BANF2: variants seen among roughly 807,000 people sequenced by gnomAD.
BANF2 encodes barrier-to-autointegration factor-like protein.
A neutral mutation model predicts 8.0 loss-of-function variants in BANF2; 4 were observed. The ratio of observed to expected loss-of-function variants is 0.50; its 90% confidence interval spans 0.25 to 1.14. BANF2 has a LOEUF of 1.14. BANF2 is among the 50% of genes most tolerant of loss of function. The probability of loss-of-function intolerance (pLI) is 0.16; values close to 1 mark genes in which losing one functional copy is unlikely to be tolerated. For missense variants in BANF2, 96 were observed against 107.5 expected (o/e 0.89, Z 0.47); for synonymous variants, 50 against 40.6 (o/e 1.23, Z -0.88).
At chr20:17,725,205 A>G in intron 3 of BANF2, 54 bp downstream of exon 3, 1 of 1,552,414 alleles carries the variant, frequency 6.4e-7, no homozygotes, top group Non-Finnish European at 8.9e-7. Context: ...TTCTTCCCCC[A>G]GTCCTGCCAG....
At chr20:17,735,036 G>A (rs2037956046) in intron 3 of BANF2, among the ~76,000 whole-genome samples, 1 of 152,106 alleles carries the variant, frequency 6.6e-6, no homozygotes, top group South Asian at 2.1e-4. Flanking sequence ...CCGAGATCAC[G>A]CCATTGCACT....
chr20:17,694,681 C>A (rs141472012), intron 1 of BANF2, among the ~76,000 whole-genome samples: 16 of 133,466 alleles, frequency 1.2e-4, no homozygotes, highest in African/African-American at 4.2e-4. Context: ...TGCAGTCATG[C>A]CATCACAGCT....
chr20:17,718,225 G>A (rs2037683168), intron 1 of BANF2, among the ~76,000 whole-genome samples: 1 of 143,210 alleles, frequency 7.0e-6, no homozygotes, highest in African/African-American at 2.6e-5. Context: ...TTTGTTTTGA[G>A]ATGGAGTCTC....
chr20:17,723,160 C>T (rs906588814), intron 2 of BANF2, among the ~76,000 whole-genome samples: 1 of 148,468 alleles, frequency 6.7e-6, no homozygotes, highest in Non-Finnish European at 1.5e-5. Context: ...TAGGTCCCCC[C>T]AGCCCCACCC....
At chr20:17,734,170 A>C (rs1054769752) in intron 3 of BANF2, among the ~76,000 whole-genome samples, 2 of 152,198 alleles carry the variant, frequency 1.3e-5, no homozygotes, top group Non-Finnish European at 2.9e-5. Context: ...GTGTAATAAA[A>C]CTATAAAAGA....
At chr20:17,719,236 C>T (rs918111919) in intron 1 of BANF2, among the ~76,000 whole-genome samples, 8 of 152,066 alleles carry the variant, frequency 5.3e-5, no homozygotes, top group African/African-American at 1.9e-4. Flanking sequence ...GTGAGTCTCC[C>T]GTCTCAGCCT....
chr20:17,728,567 G>A (rs578233802), intron 3 of BANF2, among the ~76,000 whole-genome samples: 6 of 152,208 alleles, frequency 3.9e-5, no homozygotes, highest in African/African-American at 1.4e-4. Context: ...TTTAATGGAG[G>A]ATGTGGGGTG....
At chr20:17,710,807 G>A (rs1025495377) in intron 1 of BANF2, among the ~76,000 whole-genome samples, 7 of 152,276 alleles carry the variant, frequency 4.6e-5, no homozygotes, top group East Asian at 1.9e-4. Context: ...CCGGCCTAAC[G>A]GCGGCTGAGC....
chr20:17,695,445 C>CAA (rs71192401), upstream of BANF2, among the ~76,000 whole-genome samples: 8,046 of 51,234 alleles, frequency 0.16, 1,211 homozygotes, highest in African/African-American at 0.28. Flanking sequence ...GACCTTGTCT[C>CAA]AAAAAAAAAA....
intron 1 of BANF2, among the ~76,000 whole-genome samples, chr20:17,701,699 G>A (rs1401001448): frequency 2.0e-5 from 3 of 152,154 alleles, no homozygotes; most frequent in Admixed American, 6.5e-5. Flanking sequence ...CCTTAAGGAC[G>A]GCTGCAAACT....
At chr20:17,698,105 G>C (rs2037365147), upstream of BANF2, among the ~76,000 whole-genome samples, 1 of 152,112 alleles carries the variant, frequency 6.6e-6, no homozygotes, top group South Asian at 2.1e-4. Context: ...TTACTTTGGA[G>C]GTTGAGGCAG....
chr20:17,733,633 A>G (rs1308033861), intron 3 of BANF2, among the ~76,000 whole-genome samples: 1 of 152,240 alleles, frequency 6.6e-6, no homozygotes, highest in Non-Finnish European at 1.5e-5. Context: ...ATTAATTTAA[A>G]TACATCTCAG....
At chr20:17,700,153 T>C (rs2037386381) in intron 1 of BANF2, 98 bp downstream of exon 1, 3 of 407,022 alleles carry the variant, frequency 7.4e-6, no homozygotes, top group Non-Finnish European at 1.0e-5. Flanking sequence ...CAGGTTTAGA[T>C]GAGCCAAACC....
chr20:17,715,338 G>A (rs1027444205), intron 1 of BANF2, among the ~76,000 whole-genome samples: 10 of 152,172 alleles, frequency 6.6e-5, no homozygotes, highest in African/African-American at 1.4e-4. Context: ...AGAAGACATC[G>A]TCCTGAGGGT....
chr20:17,698,165 G>A (rs1319684908), upstream of BANF2, among the ~76,000 whole-genome samples: 3 of 151,802 alleles, frequency 2.0e-5, no homozygotes, highest in Non-Finnish European at 2.9e-5. Flanking sequence ...CCGAGATCAC[G>A]CCATCGCATT....
At chr20:17,705,274 A>G (rs888227593) in intron 1 of BANF2, among the ~76,000 whole-genome samples, 1 of 152,230 alleles carries the variant, frequency 6.6e-6, no homozygotes, top group African/African-American at 2.4e-5. Context: ...GAGAGCAGTT[A>G]GAAAGCTAAA....
chr20:17,732,343 G>A (rs527832175), intron 3 of BANF2, among the ~76,000 whole-genome samples: 4 of 152,164 alleles, frequency 2.6e-5, no homozygotes, highest in African/African-American at 4.8e-5. Flanking sequence ...GAGTTTAGGG[G>A]CATTCTGCCC....
chr20:17,728,198 T>C (rs2037838020), intron 3 of BANF2, among the ~76,000 whole-genome samples: 1 of 152,204 alleles, frequency 6.6e-6, no homozygotes, highest in Admixed American at 6.5e-5. Context: ...GTTTCTTTGC[T>C]GTGCACAAAG....
upstream of BANF2, among the ~76,000 whole-genome samples, chr20:17,696,320 A>G (rs2037345812): frequency 6.6e-6 from 1 of 152,162 alleles, no homozygotes; most frequent in South Asian, 2.1e-4. Flanking sequence ...ATGTGTTTTC[A>G]TTTGTCTTGG....
Sources: allele counts gnomAD v4.1 joint callset (sites outside exome capture counted in the v4.1 genomes callset), GRCh38; gene constraint gnomAD v4.1.1; transcripts MANE v1.5; gene names NCBI Gene and HGNC (gene_info 2026-07-23, HGNC 2026-07-21).